SPECC1: variants seen among roughly 807,000 people sequenced by gnomAD.
SPECC1 encodes sperm antigen with calponin homology and coiled-coil domains 1.
In SPECC1, 62 loss-of-function variants were observed where a neutral mutation model predicts 104.1. The ratio of observed to expected loss-of-function variants is 0.60; its 90% confidence interval spans 0.49 to 0.74. The LOEUF is 0.74. SPECC1 is among the 30% of genes least tolerant of loss of function. The pLI, the probability that SPECC1 is intolerant of heterozygous loss-of-function variation, is 0.00. For missense variants in SPECC1, 1,306 were observed against 1,310.5 expected (o/e 1.00, Z 0.05); for synonymous variants, 513 against 501.6 (o/e 1.02, Z -0.30).
chr17:20,101,039 A>C (rs975175393), intron 2 of SPECC1, among the ~76,000 whole-genome samples: 8 of 152,086 alleles, frequency 5.3e-5, no homozygotes, highest in Admixed American at 5.2e-4. Context: ...TGTATATGTG[A>C]CGCATTTTCT....
chr17:20,269,777 C>T (rs1202061355), intron 12 of SPECC1, among the ~76,000 whole-genome samples: 2 of 152,210 alleles, frequency 1.3e-5, no homozygotes, highest in African/African-American at 2.4e-5. Context: ...CTGGTTTCCT[C>T]GGGACTTCCT....
chr17:20,090,624 C>T lies in SPECC1; in HGVS notation c.-21-6007C>T, dbSNP rs1021225758. Among the ~76,000 whole-genome samples the T allele has an allele frequency of 2.0e-5, 3 of 149,614 alleles. No homozygotes were observed. The South Asian group carries it at 6.3e-4, about 31-fold the overall frequency. Reference sequence around the variant, plus strand: ...AAAAAAAAGGGCTCTTATTTTATTTCCATCTCCTTTTCCTACTGCCTTGGC... The same window carrying T: ...AAAAAAAAGGGCTCTTATTTTATTTTCATCTCCTTTTCCTACTGCCTTGGC... On this transcript the variant is annotated intron_variant, in intron 1 of 14. Transcript: ENST00000395527.
intron 1 of SPECC1, among the ~76,000 whole-genome samples, chr17:20,043,134 C>T (rs1281001282): frequency 6.6e-6 from 1 of 152,190 alleles, no homozygotes; most frequent in Non-Finnish European, 1.5e-5. Flanking sequence ...CAGAAGCTGT[C>T]CAGTTCTTCC....
intron 2 of SPECC1, among the ~76,000 whole-genome samples, chr17:20,098,242 T>G (rs2047748269): frequency 6.6e-6 from 1 of 152,168 alleles, no homozygotes; most frequent in Non-Finnish European, 1.5e-5. Flanking sequence ...CAACTCCATC[T>G]TCTTGGTTGC....
At chr17:20,103,177 CT>C (rs946946701) in intron 2 of SPECC1, among the ~76,000 whole-genome samples, 5 of 152,296 alleles carry the variant, frequency 3.3e-5, no homozygotes, top group Non-Finnish European at 7.4e-5. Context: ...CTCCTGGCTC[CT>C]GTTGGTCTTC....
chr17:20,177,756 C>T (rs1034737819), intron 3 of SPECC1, among the ~76,000 whole-genome samples: 2 of 152,164 alleles, frequency 1.3e-5, no homozygotes, highest in Non-Finnish European at 2.9e-5. Flanking sequence ...GTCGCCCAGG[C>T]TGGAGTGCAG....
chr17:20,196,530 T>C (rs929156812), intron 3 of SPECC1, among the ~76,000 whole-genome samples: 3 of 152,202 alleles, frequency 2.0e-5, no homozygotes, highest in African/African-American at 7.2e-5. Context: ...GCAACATTTC[T>C]TGCATAAATT....
chr17:20,243,458 A>T lies in SPECC1; in HGVS notation c.2352-2468A>T, dbSNP rs146679595. Among the ~76,000 whole-genome samples the T allele has an allele frequency of 4.2e-3, 646 of 152,298 alleles. 3 individuals carry two copies. The highest frequency in any genetic ancestry group is 0.014 in the African/African-American group (566 of 41,560). On this transcript the variant is annotated intron_variant, in intron 7 of 14. Transcript: ENST00000395527. ...GGTGTAAGGATTTTCAGCCTCATTT[A>T]TGATTTAAGTACATACTAATAAGCC...
At chr17:20,219,949 T>G (rs906903686) in intron 4 of SPECC1, among the ~76,000 whole-genome samples, 2 of 152,182 alleles carry the variant, frequency 1.3e-5, no homozygotes, top group African/African-American at 4.8e-5. Context: ...TTCCTCAATA[T>G]ATGTTCTTGG....
Position 20,112,718 on chromosome 17 carries a change from G to A in SPECC1, c.283+2156G>A, listed in dbSNP as rs190736465. 1.7e-4 allele frequency: 193 copies of A among 1,165,794 alleles called. 1 individual carries two copies. The East Asian group carries it at 1.8e-3, about 11-fold the overall frequency. The allele number at this position is 1,165,794 out of a possible 1,614,324, so 72.2% of individuals were successfully genotyped here. On this transcript the variant is annotated intron_variant, in intron 3 of 14. Coordinates refer to ENST00000395527, the MANE Select transcript of SPECC1 (RefSeq NM_001243439.2). Reference sequence around the variant, plus strand: ...ACTGTGTAATTTTGAGGATCCTTCCGGTCTTAAAGCCAATTTAGAAGGTGC... The same window carrying A: ...ACTGTGTAATTTTGAGGATCCTTCCAGTCTTAAAGCCAATTTAGAAGGTGC...
chr17:20,033,936 C>T (rs920837823), intron 1 of SPECC1, among the ~76,000 whole-genome samples: 1 of 152,176 alleles, frequency 6.6e-6, no homozygotes, highest in African/African-American at 2.4e-5. Context: ...ATAGGGCTCT[C>T]TTCCTAAACA....
At chr17:20,268,587 A>G (rs141612737) in intron 12 of SPECC1, among the ~76,000 whole-genome samples, 15 of 152,312 alleles carry the variant, frequency 9.8e-5, no homozygotes, top group Non-Finnish European at 1.9e-4. Context: ...GACTTAGATG[A>G]TAGAGTCTCA....
At position 20,309,995 on chromosome 17, in the gene SPECC1, T is replaced by TG. The variant is rs2041886146; in HGVS notation, c.3117+3913_3117+3914insG. 2.0e-5 allele frequency among the ~76,000 whole-genome samples: 3 copies of TG among 151,652 alleles called. 1 individual carries two copies. In the South Asian group the frequency reaches 6.2e-4, roughly 32 times the overall value. ...ACCATGCCCAGCTAATTTTTTGTAT[T>TG]TTTTTTAGTAGAAATGGGGTTTCAT... On this transcript the variant is annotated intron_variant, in intron 14 of 14. Coordinates refer to ENST00000395527, the MANE Select transcript of SPECC1 (RefSeq NM_001243439.2).
chr17:20,276,576 A>G (rs2040583719), intron 12 of SPECC1, among the ~76,000 whole-genome samples: 1 of 151,986 alleles, frequency 6.6e-6, no homozygotes, highest in Non-Finnish European at 1.5e-5. Context: ...CCTCTGTCTC[A>G]CTTTCTATTT....
chr17:20,088,093 G>T (rs572920051), intron 1 of SPECC1, among the ~76,000 whole-genome samples: 10 of 152,190 alleles, frequency 6.6e-5, no homozygotes, highest in Non-Finnish European at 1.3e-4. Context: ...ATCAGAGCTA[G>T]GCGAGGAGGT....
At chr17:20,031,558 A>G (rs1248232410) in intron 1 of SPECC1, among the ~76,000 whole-genome samples, 3 of 152,146 alleles carry the variant, frequency 2.0e-5, no homozygotes, top group Non-Finnish European at 2.9e-5. Flanking sequence ...TCAGTAGTAT[A>G]AAGTATATTT....
At chr17:20,100,144 C>T (rs141073520) in intron 2 of SPECC1, among the ~76,000 whole-genome samples, 56 of 152,180 alleles carry the variant, frequency 3.7e-4, no homozygotes, top group Admixed American at 3.2e-3. Flanking sequence ...TGGTACCATG[C>T]GCATATTAGG....
At chr17:20,277,930 A>G (rs2040628441) in intron 12 of SPECC1, among the ~76,000 whole-genome samples, 1 of 151,994 alleles carries the variant, frequency 6.6e-6, no homozygotes, top group African/African-American at 2.4e-5. Context: ...CCATCTGTCC[A>G]CCTTCTCCTC....
At chr17:20,296,340 G>C (rs1272425946) in intron 12 of SPECC1, among the ~76,000 whole-genome samples, 1 of 152,162 alleles carries the variant, frequency 6.6e-6, no homozygotes, top group African/African-American at 2.4e-5. Flanking sequence ...TAGATGTGTG[G>C]TATTATTTCC....
Sources: gnomAD v4.1 joint callset for allele counts (sites outside exome capture counted in the v4.1 genomes callset) on GRCh38, gnomAD v4.1.1 for gene constraint, MANE v1.5 for transcripts, NCBI Gene and HGNC (gene_info 2026-07-23, HGNC 2026-07-21) for gene names.